FGF2: variants seen among roughly 807,000 people sequenced by gnomAD.
FGF2 encodes basic fibroblast growth factor bFGF.
Under a neutral mutation model 15.9 loss-of-function variants are expected in FGF2, and 13 were observed. That is an observed-to-expected ratio of 0.82 (90% CI 0.53 to 1.30). The LOEUF (loss-of-function observed/expected upper bound fraction) is 1.30. FGF2 is among the 50% of genes most tolerant of loss of function. The pLI is 0.00. For synonymous variants in FGF2, 90 were observed against 78.4 expected, an observed-to-expected ratio of 1.15 and a Z score of -0.78; for missense variants, 163 against 196.9, an observed-to-expected ratio of 0.83 and a Z score of 1.03.
intron 1 of FGF2, among the ~76,000 whole-genome samples, chr4:122,839,079 G>A (rs1007498028): frequency 2.0e-5 from 3 of 152,066 alleles, no homozygotes; most frequent in Admixed American, 6.5e-5. Flanking sequence ...CCATCATCTA[G>A]GATTGTGTAA....
At chr4:122,891,345 TTTATC>T (rs1342280672) in intron 2 of FGF2, among the ~76,000 whole-genome samples, 1 of 152,070 alleles carries the variant, frequency 6.6e-6, no homozygotes, top group Non-Finnish European at 1.5e-5. Context: ...CGGCCGAACA[TTTATC>T]TTAAATAATG....
In FGF2 at chr4:122,827,006, G is replaced by T. The variant is rs1001755509; in HGVS notation, c.-169G>T. On this transcript the variant is annotated 5_prime_UTR_variant, in exon 1 of 3. Coordinates refer to ENST00000644866, the MANE Select transcript of FGF2 (RefSeq NM_001361665.2). This position sits in a 1 kb window ranked among gnomAD's most constrained non-coding sequence, Gnocchi z 4.2. ...GGACAGAAGAGCGGCCGAGCGGCTC[G>T]AGGCTGGGGGACCGCGGGCGCGGCC... The T allele has an allele frequency of 6.1e-5, 74 of 1,219,474 alleles. No individual in the cohort carries two copies. Among genetic ancestry groups the T allele is most frequent in the Non-Finnish European group, 6.8e-5 (67 of 980,918 alleles). The allele number at this position is 1,219,474 out of a possible 1,614,324, so 75.5% of individuals were successfully genotyped here.
At chr4:122,846,918 AG>A (rs1726123817) in intron 1 of FGF2, among the ~76,000 whole-genome samples, 1 of 152,290 alleles carries the variant, frequency 6.6e-6, no homozygotes, top group African/African-American at 2.4e-5. Flanking sequence ...TTTTGCCGTC[AG>A]TCACACGATG....
intron 1 of FGF2, among the ~76,000 whole-genome samples, chr4:122,854,754 G>T (rs1726303372): frequency 6.6e-6 from 1 of 152,180 alleles, no homozygotes; most frequent in African/African-American, 2.4e-5. Flanking sequence ...TTCCAAAGTG[G>T]AGGCTGCAGT....
rs1415031149 is a variant in FGF2 at position 122,848,919 on chromosome 4, G to A, written c.178+21567G>A. Among the ~76,000 whole-genome samples, 3 of 152,286 alleles carry A rather than the reference G, an allele frequency of 2.0e-5. No homozygotes were observed. In the East Asian group the frequency reaches 5.8e-4, roughly 29 times the overall value. ...TTAGAATACATCACTGGCACTGCTA[G>A]GAGAGAGCTGGGATTCATGAGAGTG... On this transcript the variant is annotated intron_variant, in intron 1 of 2. Coordinates refer to ENST00000644866, the MANE Select transcript of FGF2 (RefSeq NM_001361665.2).
rs968009327 is a variant in FGF2, at chr4:122,827,824, C to G, written c.178+472C>G. ...CCTTAAATTCCGACTCGGGACGACCCGAGGCATATGGCACACTACTCTCAC... is the reference window on the plus strand; with the variant it reads ...CCTTAAATTCCGACTCGGGACGACCGGAGGCATATGGCACACTACTCTCAC... On this transcript the variant is annotated intron_variant, in intron 1 of 2. Transcript: ENST00000644866. This position sits in a 1 kb window ranked among gnomAD's most constrained non-coding sequence, Gnocchi z 4.2. Among the ~76,000 whole-genome samples, 2 of 152,160 alleles carry G rather than the reference C, an allele frequency of 1.3e-5. No individual in the cohort carries two copies. Among genetic ancestry groups the G allele is most frequent in the Admixed American group, 1.3e-4 (2 of 15,276 alleles).
At chr4:122,847,107 C>T (rs2150769289) in intron 1 of FGF2, among the ~76,000 whole-genome samples, 1 of 152,208 alleles carries the variant, frequency 6.6e-6, no homozygotes, top group East Asian at 1.9e-4. Context: ...TACTTTCCTT[C>T]AGGAAATGAT....
chr4:122,835,524 GAACTT>G (rs983094557), intron 1 of FGF2, among the ~76,000 whole-genome samples: 18 of 151,990 alleles, frequency 1.2e-4, no homozygotes, highest in Admixed American at 7.2e-4. Flanking sequence ...ACATAAAACA[GAACTT>G]AACACCATTT....
intron 1 of FGF2, among the ~76,000 whole-genome samples, chr4:122,845,278 T>C (rs193059643): frequency 6.6e-6 from 1 of 152,342 alleles, no homozygotes; most frequent in Admixed American, 6.5e-5. Context: ...ATTCCATTGA[T>C]AGGGCACAGG....
chr4:122,832,365 T>C (rs1370691030), intron 1 of FGF2, among the ~76,000 whole-genome samples: 2 of 152,204 alleles, frequency 1.3e-5, no homozygotes. Context: ...CAAGCAATTC[T>C]TCTGCTTCAG....
chr4:122,864,695 G>A (rs568992122), intron 1 of FGF2, among the ~76,000 whole-genome samples: 35 of 152,028 alleles, frequency 2.3e-4, no homozygotes, highest in Non-Finnish European at 3.1e-4. Context: ...ATGCACAGTT[G>A]GTATTTTTAT....
At chr4:122,875,225 A>G (rs191126853) in intron 1 of FGF2, among the ~76,000 whole-genome samples, 1 of 152,234 alleles carries the variant, frequency 6.6e-6, no homozygotes, top group East Asian at 1.9e-4. Context: ...ATTTGTCCAT[A>G]TTACATTATC....
rs1727217099 is a variant in FGF2, at chr4:122,892,594, CT to C, written c.*202del. 7 of 1,438,502 alleles carry C rather than the reference CT, an allele frequency of 4.9e-6. No individual in the cohort carries two copies. The highest frequency in any genetic ancestry group is 4.3e-5 in the African/African-American group (3 of 69,822). 89.1% of individuals were successfully genotyped at this position (1,438,502 alleles called of 1,614,324 possible). A position where few individuals can be genotyped will look rare whatever the true frequency, so the allele number is the denominator to read the frequency against. On this transcript the variant is annotated 3_prime_UTR_variant, in exon 3 of 3. Coordinates refer to ENST00000644866, the MANE Select transcript of FGF2 (RefSeq NM_001361665.2). ...AAAAGTTGTAAAATGTATATTCTCCCTTTTATATTGCATCTGCTGTTACCCA... is the reference window on the plus strand; with the variant it reads ...AAAAGTTGTAAAATGTATATTCTCCCTTTATATTGCATCTGCTGTTACCCA...
At position 122,898,012 on chromosome 4, in the gene FGF2, G is replaced by C. The variant is rs776563923; in HGVS notation, c.*5616G>C. 9.2e-6 allele frequency: 2 copies of C among 218,276 alleles called. No homozygotes were observed. Among genetic ancestry groups the C allele is most frequent in the Non-Finnish European group, 1.8e-5 (2 of 110,744 alleles). The allele number at this position is 218,276 out of a possible 1,614,324, so 13.5% of individuals were successfully genotyped here. A position where few individuals can be genotyped will look rare whatever the true frequency, so the allele number is the denominator to read the frequency against. ...AAATATTTTGCTGCTAGTTAACTAT[G>C]AACAGATAGAAGAATCTTACAGATG... On this transcript the variant is annotated 3_prime_UTR_variant, in exon 3 of 3. Transcript: ENST00000644866.
At chr4:122,892,015 G>A (rs996560729) in intron 2 of FGF2, among the ~76,000 whole-genome samples, 196 bp from the exon 3 acceptor site, 2 of 152,088 alleles carry the variant, frequency 1.3e-5, no homozygotes, top group Non-Finnish European at 2.9e-5. Flanking sequence ...TGTGTTCCTG[G>A]CCTGCATCCT....
In FGF2 at chr4:122,892,742, C is replaced by T. The variant is rs752131741; in HGVS notation, c.*346C>T. On this transcript the variant is annotated 3_prime_UTR_variant, in exon 3 of 3. Transcript: ENST00000644866. ...GGAAATCATATACATTAGAAAATCA[C>T]AGTCAGATGTTTAATCAATCCAAAA... The T allele has an allele frequency of 1.7e-4, 236 of 1,349,538 alleles. No homozygotes were observed. The highest frequency in any genetic ancestry group is 2.1e-4 in the Non-Finnish European group (213 of 1,004,188). 83.6% of individuals were successfully genotyped at this position (1,349,538 alleles called of 1,614,324 possible). A position where few individuals can be genotyped will look rare whatever the true frequency, so the allele number is the denominator to read the frequency against.
At chr4:122,860,995 G>T (rs1017490664) in intron 1 of FGF2, among the ~76,000 whole-genome samples, 1 of 152,212 alleles carries the variant, frequency 6.6e-6, no homozygotes, top group Non-Finnish European at 1.5e-5. Flanking sequence ...AGTATTGTGT[G>T]TGTGTAGGTA....
At chr4:122,834,594 C>T (rs1249787589) in intron 1 of FGF2, among the ~76,000 whole-genome samples, 1 of 152,176 alleles carries the variant, frequency 6.6e-6, no homozygotes, top group Non-Finnish European at 1.5e-5. Context: ...TCTATTACAT[C>T]ACATCAACCT....
rs1727414862 is a variant in FGF2 at position 122,897,931 on chromosome 4, A to G, written c.*5535A>G. 2.2e-6 allele frequency: 1 copy of G among 445,778 alleles called. No homozygotes were observed. Among genetic ancestry groups the G allele is most frequent in the Non-Finnish European group, 4.0e-6 (1 of 248,254 alleles). 27.6% of individuals were successfully genotyped at this position (445,778 alleles called of 1,614,324 possible). On this transcript the variant is annotated 3_prime_UTR_variant, in exon 3 of 3. Coordinates refer to ENST00000644866, the MANE Select transcript of FGF2 (RefSeq NM_001361665.2). The stretch of plus-strand genomic sequence containing the variant: ...AGTGGTTTTGTTTGGTTAACGTGAT[A>G]CATTCTGTATGAATGAAACATTGGA...
Sources: allele counts gnomAD v4.1 joint callset (sites outside exome capture counted in the v4.1 genomes callset), GRCh38; gene constraint gnomAD v4.1.1; non-coding constraint Gnocchi (gnomAD v3.1); transcripts MANE v1.5; gene names NCBI Gene and HGNC (gene_info 2026-07-23, HGNC 2026-07-21).